HHAT: variants seen among roughly 807,000 people sequenced by gnomAD.
The protein encoded by HHAT is protein-cysteine N-palmitoyltransferase HHAT.
A neutral mutation model predicts 70.8 loss-of-function variants in HHAT; 47 were observed. That is an observed-to-expected ratio of 0.66 (90% CI 0.53 to 0.85). HHAT has a LOEUF of 0.85. Among genes scored for constraint, HHAT ranks in the 40% least tolerant of loss-of-function variants. The pLI, the probability that HHAT is intolerant of heterozygous loss-of-function variation, is 0.00. For synonymous variants in HHAT, 228 were observed against 247.6 expected (o/e 0.92, Z 0.74); for missense variants, 609 against 604.8 (o/e 1.01, Z -0.07).
At chr1:210,380,965 G>A (rs950839367) in intron 3 of HHAT, among the ~76,000 whole-genome samples, 6 of 151,474 alleles carry the variant, frequency 4.0e-5, no homozygotes, top group South Asian at 2.3e-4. Flanking sequence ...GGGAGCACAT[G>A]AAGAATATTA....
intron 5 of HHAT, among the ~76,000 whole-genome samples, chr1:210,403,220 T>C (rs906385354): frequency 6.6e-6 from 1 of 152,172 alleles, no homozygotes; most frequent in Non-Finnish European, 1.5e-5. Context: ...AGATAATCAC[T>C]CCGTTTTAAT....
chr1:210,531,821 G>A (rs1476962017), intron 9 of HHAT, among the ~76,000 whole-genome samples: 1 of 152,196 alleles, frequency 6.6e-6, no homozygotes, highest in Non-Finnish European at 1.5e-5. Flanking sequence ...GTAACTAACA[G>A]TGTTTCTTTT....
At chr1:210,604,524 A>C (rs1664987099) in intron 10 of HHAT, among the ~76,000 whole-genome samples, 1 of 152,210 alleles carries the variant, frequency 6.6e-6, no homozygotes, top group Non-Finnish European at 1.5e-5. Flanking sequence ...TTATATACTA[A>C]AATAATTGTG....
chr1:210,338,082 C>T (rs1484193404), intron 1 of HHAT, among the ~76,000 whole-genome samples: 1 of 152,022 alleles, frequency 6.6e-6, no homozygotes. Flanking sequence ...CATGGTGGCT[C>T]ATGTTTGTAA....
intron 7 of HHAT, among the ~76,000 whole-genome samples, chr1:210,441,712 ATCT>A (rs767460325): frequency 6.6e-6 from 1 of 152,158 alleles, no homozygotes; most frequent in Non-Finnish European, 1.5e-5. Flanking sequence ...GTTCATTGAC[ATCT>A]TCTCCAATTT....
chr1:210,478,929 A>C lies in HHAT; in HGVS notation c.1007+14274A>C, dbSNP rs61154510. Among the ~76,000 whole-genome samples the C allele has an allele frequency of 4.3e-3, 658 of 152,116 alleles. 1 individual carries two copies. Among genetic ancestry groups the C allele is most frequent in the African/African-American group, 0.012 (497 of 41,496 alleles). Reference sequence around the variant, plus strand: ...ATAATGAGAGACAAGCATCTGGGAGAGGGTTTGCAGAGTGGTGGCATCTGT... The same window carrying C: ...ATAATGAGAGACAAGCATCTGGGAGCGGGTTTGCAGAGTGGTGGCATCTGT... On this transcript the variant is annotated intron_variant, in intron 8 of 11. Coordinates refer to ENST00000261458, the MANE Select transcript of HHAT (RefSeq NM_018194.6).
At chr1:210,359,824 A>C (rs553638986) in intron 2 of HHAT, among the ~76,000 whole-genome samples, 1 of 152,106 alleles carries the variant, frequency 6.6e-6, no homozygotes, top group South Asian at 2.1e-4. Flanking sequence ...CCAAGATCGC[A>C]CCACTGTACT....
intron 1 of HHAT, among the ~76,000 whole-genome samples, chr1:210,334,393 T>C (rs1004142802): frequency 6.6e-6 from 1 of 151,814 alleles, no homozygotes; most frequent in Non-Finnish European, 1.5e-5. Context: ...TGGGCTCAAG[T>C]CGTCTGCCCA....
At chr1:210,540,845 A>T (rs1201264018) in intron 9 of HHAT, among the ~76,000 whole-genome samples, 3 of 148,336 alleles carry the variant, frequency 2.0e-5, no homozygotes, top group Admixed American at 6.7e-5. Context: ...GCTTTATTTA[A>T]TTTTTTTTTT....
upstream of HHAT, among the ~76,000 whole-genome samples, chr1:210,328,730 T>C (rs2084715456): frequency 6.6e-6 from 1 of 152,176 alleles, no homozygotes; most frequent in Non-Finnish European, 1.5e-5. Flanking sequence ...CCAGGGTCAG[T>C]GGGAACCAAC....
chr1:210,464,563 C>A lies in HHAT; in HGVS notation c.915C>A (p.Gly305=). ...ACGTGAAGTACTTGGTGCTCTTTGG[C>A]GTGCCTGCTCTGCTCATGCGCCTGG... The part of the protein sequence containing the change: ...FFYVKYLVLF[G]VPALLMRLDG... The change falls in exon 8 of 12, where the codon GGC becomes GGA. Residue 305 remains glycine (G), a synonymous_variant. Coordinates refer to ENST00000261458, the MANE Select transcript of HHAT (RefSeq NM_018194.6). 5.6e-6 allele frequency: 9 copies of A among 1,614,124 alleles called. No homozygotes were observed. Among genetic ancestry groups the A allele is most frequent in the Non-Finnish European group, 7.6e-6 (9 of 1,180,002 alleles).
intron 9 of HHAT, among the ~76,000 whole-genome samples, chr1:210,520,424 A>AT (rs954368400): frequency 4.0e-5 from 6 of 151,276 alleles, no homozygotes; most frequent in East Asian, 1.9e-4. Flanking sequence ...GGTTTTGTAG[A>AT]TTTTTTTTCC....
chr1:210,495,373 G>A (rs1034944655), intron 8 of HHAT, among the ~76,000 whole-genome samples: 9 of 151,978 alleles, frequency 5.9e-5, no homozygotes, highest in African/African-American at 2.2e-4. Flanking sequence ...GGAATCAGAA[G>A]GCCTGAGGGC....
At chr1:210,389,993 TATG>T (rs1462264931) in intron 4 of HHAT, among the ~76,000 whole-genome samples, 5 of 152,146 alleles carry the variant, frequency 3.3e-5, no homozygotes, top group African/African-American at 9.7e-5. Context: ...CCCTTTAAAA[TATG>T]ATGAGCTTCA....
At chr1:210,502,889 T>G (rs571427564) in intron 8 of HHAT, among the ~76,000 whole-genome samples, 1 of 152,312 alleles carries the variant, frequency 6.6e-6, no homozygotes, top group South Asian at 2.1e-4. Context: ...CCTCAATTTT[T>G]TTTTTCTTTC....
chr1:210,399,172 A>C (rs758391022), intron 4 of HHAT, among the ~76,000 whole-genome samples: 1 of 152,232 alleles, frequency 6.6e-6, no homozygotes, highest in Non-Finnish European at 1.5e-5. Context: ...CCCGTGAGAC[A>C]TCACATTTCC....
chr1:210,590,805 A>C (rs1378291181), intron 10 of HHAT, among the ~76,000 whole-genome samples: 4 of 152,150 alleles, frequency 2.6e-5, no homozygotes, highest in Non-Finnish European at 4.4e-5. Context: ...TCAGGTTTAC[A>C]AATAAAATTA....
At chr1:210,396,059 G>A (rs2091766438) in intron 4 of HHAT, among the ~76,000 whole-genome samples, 1 of 151,560 alleles carries the variant, frequency 6.6e-6, no homozygotes, top group African/African-American at 2.4e-5. Context: ...GGGGAAGGAT[G>A]CCTGCTTAAG....
chr1:210,572,205 T>C (rs1382792085), intron 9 of HHAT, among the ~76,000 whole-genome samples: 2 of 152,202 alleles, frequency 1.3e-5, no homozygotes, highest in Non-Finnish European at 2.9e-5. Flanking sequence ...GAATCATAAT[T>C]ATGGTAAATG....
Sources: allele counts gnomAD v4.1 joint callset (sites outside exome capture counted in the v4.1 genomes callset), GRCh38; gene constraint gnomAD v4.1.1; transcripts MANE v1.5; gene names NCBI Gene and HGNC (gene_info 2026-07-23, HGNC 2026-07-21).